The following PANK3 variants were observed in gnomAD, a reference collection of about 807,000 sequenced individuals.
PANK3 encodes hPanK3.
A neutral mutation model predicts 39.4 loss-of-function variants in PANK3; 20 were observed. The observed-to-expected ratio is 0.51, with a 90% CI of 0.36 to 0.74. The LOEUF (loss-of-function observed/expected upper bound fraction) is 0.74. Ranked by LOEUF, PANK3 falls within the 30% of genes least tolerant of loss-of-function variation. The pLI, the probability that PANK3 is intolerant of heterozygous loss-of-function variation, is 0.00. For missense variants in PANK3, 265 were observed against 437.0 expected (o/e 0.61, Z 3.51); for synonymous variants, 140 against 157.3 (o/e 0.89, Z 0.82).
intron 1 of PANK3, among the ~76,000 whole-genome samples, chr5:168,569,332 C>T (rs541826789): frequency 1.2e-3 from 184 of 150,932 alleles, no homozygotes; most frequent in South Asian, 2.1e-3. Flanking sequence ...CTACAGGTGC[C>T]CACCACCACG....
intron 6 of PANK3, among the ~76,000 whole-genome samples, 157 bp from the exon 7 acceptor site, chr5:168,557,778 G>T (rs1431124296): frequency 6.6e-6 from 1 of 152,126 alleles, no homozygotes; most frequent in South Asian, 2.1e-4. Flanking sequence ...AAAATTTTCT[G>T]AATCTGTATT....
chr5:168,565,943 T>C, intron 3 of PANK3, 70 bp downstream of exon 3: 1 of 1,426,950 alleles, frequency 7.0e-7, no homozygotes, highest in Non-Finnish European at 9.5e-7. Flanking sequence ...AATGACATTA[T>C]TATACTGATT....
At chr5:168,571,498 T>C (rs914777592) in intron 1 of PANK3, among the ~76,000 whole-genome samples, 1 of 152,192 alleles carries the variant, frequency 6.6e-6, no homozygotes, top group African/African-American at 2.4e-5. Flanking sequence ...CCTAAAAATA[T>C]ATATTTCTAT....
chr5:168,561,509 T>A lies in PANK3; in HGVS notation c.820A>T (p.Asn274Tyr). 1 of 1,569,626 alleles carries A rather than the reference T, an allele frequency of 6.4e-7. No homozygotes were observed. The highest frequency in any genetic ancestry group is 8.6e-7 in the Non-Finnish European group (1 of 1,161,540). The change falls in exon 5 of 7, where the codon AAT becomes TAT. Residue 274 changes from asparagine (N) to tyrosine (Y), a missense_variant. Asn to Tyr is a moderately radical substitution (Grantham distance 143, BLOSUM62 -2). Around this residue, in one of 3 missense-constraint regions of PANK3, gnomAD observed 110 missense variants for 161.2 expected, o/e 0.68. Transcript: ENST00000239231. ...PGWAVASSFG[N>Y]MIYKEKRESV... ...TCTCGCTTCTCCTTATAAATCATAT[T>A]CCCAAAACTGCAGAAAAATGAAAAA... is the stretch of plus-strand genomic sequence containing the variant.
chr5:168,570,401 A>G (rs555730757), intron 1 of PANK3, among the ~76,000 whole-genome samples: 1 of 144,564 alleles, frequency 6.9e-6, no homozygotes, highest in Non-Finnish European at 1.5e-5. Flanking sequence ...AAAAAAAAAG[A>G]AAGAAAGAAA....
rs1399363434 is a variant in PANK3 at position 168,556,167 on chromosome 5, G to C, written c.*1404C>G. Reference sequence around the variant, plus strand: ...AGATTCAGGCAAGGGGAATAGGAAAGAAAGTGCGAGATAAGAGCATGGTGG... The same window carrying C: ...AGATTCAGGCAAGGGGAATAGGAAACAAAGTGCGAGATAAGAGCATGGTGG... On this transcript the variant is annotated 3_prime_UTR_variant, in exon 7 of 7. Transcript: ENST00000239231. The C allele has an allele frequency of 6.6e-6, 1 of 152,262 alleles. No individual in the cohort carries two copies. Among genetic ancestry groups the C allele is most frequent in the Non-Finnish European group, 1.5e-5 (1 of 68,064 alleles). The allele number at this position is 152,262 out of a possible 1,614,324, so 9.4% of individuals were successfully genotyped here.
chr5:168,577,342 T>C lies in PANK3; in HGVS notation c.28+1914A>G, dbSNP rs190355790. ...ATAGTAACTGACCAGATTTTCAGCA[T>C]GATTCAATTTTAAGATTAATGGTCT... On this transcript the variant is annotated intron_variant, in intron 1 of 6. Transcript: ENST00000239231. Among the ~76,000 whole-genome samples, 50 of 152,344 alleles carry C rather than the reference T, an allele frequency of 3.3e-4. 1 individual carries two copies. The highest frequency in any genetic ancestry group is 1.2e-3 in the African/African-American group (49 of 41,572).
chr5:168,579,179 G>T, intron 1 of PANK3, 77 bp downstream of exon 1: 1 of 1,347,356 alleles, frequency 7.4e-7, no homozygotes, highest in South Asian at 1.6e-5. Flanking sequence ...CTTGGAAGCC[G>T]ACCGCCCAGC....
In PANK3 at chr5:168,551,814, A is replaced by C. The variant is rs1759275517; in HGVS notation, c.*5757T>G. The C allele has an allele frequency of 6.6e-6, 1 of 152,232 alleles. No homozygotes were observed. Among genetic ancestry groups the C allele is most frequent in the Admixed American group, 6.5e-5 (1 of 15,284 alleles). 9.4% of individuals were successfully genotyped at this position (152,232 alleles called of 1,614,324 possible). ...ATTTTTATAGAGTCTAATATTTGGC[A>C]AATAATCTGAACCACTTTAAGGGCT... is the stretch of plus-strand genomic sequence containing the variant. On this transcript the variant is annotated 3_prime_UTR_variant, in exon 7 of 7. Coordinates refer to ENST00000239231, the MANE Select transcript of PANK3 (RefSeq NM_024594.4).
chr5:168,574,903 AAGTATCT>A (rs1759707852), intron 1 of PANK3, among the ~76,000 whole-genome samples: 1 of 152,120 alleles, frequency 6.6e-6, no homozygotes, highest in South Asian at 2.1e-4. Flanking sequence ...GAAATCAAGC[AAGTATCT>A]ACATATTTAT....
rs959045424 is a variant in PANK3 at position 168,553,588 on chromosome 5, G to C, written c.*3983C>G. The C allele has an allele frequency of 8.3e-5, 24 of 287,608 alleles. No individual in the cohort carries two copies. The highest frequency in any genetic ancestry group is 4.1e-5 in the Non-Finnish European group (6 of 146,476). The allele number at this position is 287,608 out of a possible 1,614,324, so 17.8% of individuals were successfully genotyped here. ...CTGACCTCTCTTTCAAAGTGTAACT[G>C]AGAAAGTCCTGTATGACTGTCTCAG... On this transcript the variant is annotated 3_prime_UTR_variant, in exon 7 of 7. Coordinates refer to ENST00000239231, the MANE Select transcript of PANK3 (RefSeq NM_024594.4).
rs761447036 is a variant in PANK3, at chr5:168,552,057, G to C, written c.*5514C>G. ...AAGGCAATCTTCTCGCGGGGTCAGGGTGGTGGTGATGGGAAATTCTATACC... is the reference window on the plus strand; with the variant it reads ...AAGGCAATCTTCTCGCGGGGTCAGGCTGGTGGTGATGGGAAATTCTATACC... On this transcript the variant is annotated 3_prime_UTR_variant, in exon 7 of 7. Coordinates refer to ENST00000239231, the MANE Select transcript of PANK3 (RefSeq NM_024594.4). 3 of 152,262 alleles carry C rather than the reference G, an allele frequency of 2.0e-5. No individual in the cohort carries two copies. Among genetic ancestry groups the C allele is most frequent in the Non-Finnish European group, 4.4e-5 (3 of 68,036 alleles). 9.4% of individuals were successfully genotyped at this position (152,262 alleles called of 1,614,324 possible). A position where few individuals can be genotyped will look rare whatever the true frequency, so the allele number is the denominator to read the frequency against.
At position 168,548,876 on chromosome 5, in the gene PANK3, T is replaced by G. The variant is rs943393975; in HGVS notation, c.*8695A>C. The G allele has an allele frequency of 1.1e-4, 17 of 152,200 alleles. No individual in the cohort carries two copies. Among genetic ancestry groups the G allele is most frequent in the Admixed American group, 2.0e-4 (3 of 15,284 alleles). The allele number at this position is 152,200 out of a possible 1,614,324, so 9.4% of individuals were successfully genotyped here. On this transcript the variant is annotated 3_prime_UTR_variant, in exon 7 of 7. Transcript: ENST00000239231. ...CATCATACATTTTTACATCACAGAT[T>G]CAGTGTTAAAAGAATTCAGACATGA...
At chr5:168,561,590 C>T (rs2113111141) in intron 4 of PANK3, 74 bp from the exon 5 acceptor site, 1 of 1,242,618 alleles carries the variant, frequency 8.0e-7, no homozygotes, top group Non-Finnish European at 1.1e-6. Context: ...GATATATCTA[C>T]AACCTGGATA....
Position 168,551,972 on chromosome 5 carries a change from G to C in PANK3, c.*5599C>G, listed in dbSNP as rs1759278092. 6.6e-6 allele frequency: 1 copy of C among 152,124 alleles called. No individual in the cohort carries two copies. Among genetic ancestry groups the C allele is most frequent in the Admixed American group, 6.6e-5 (1 of 15,266 alleles). 9.4% of individuals were successfully genotyped at this position (152,124 alleles called of 1,614,324 possible). ...AAATTACATGGCAAGTTTACTAATA[G>C]TCTTTGGAAAAGATGAGTGTAGAAC... On this transcript the variant is annotated 3_prime_UTR_variant, in exon 7 of 7. Transcript: ENST00000239231.
In PANK3 at chr5:168,553,553, GGA is replaced by G. The variant is rs2113098151; in HGVS notation, c.*4016_*4017del. The G allele has an allele frequency of 3.1e-6, 1 of 324,284 alleles. No individual in the cohort carries two copies. Among genetic ancestry groups the G allele is most frequent in the East Asian group, 8.1e-5 (1 of 12,416 alleles). The allele number at this position is 324,284 out of a possible 1,614,324, so 20.1% of individuals were successfully genotyped here. A position where few individuals can be genotyped will look rare whatever the true frequency, so the allele number is the denominator to read the frequency against. ...GGGGGACATGAGCAAAACCTCAGAGGGAGAGTCTTCTGACCTCTCTTTCAAAG... is the reference window on the plus strand; with the variant it reads ...GGGGGACATGAGCAAAACCTCAGAGGGAGTCTTCTGACCTCTCTTTCAAAG... On this transcript the variant is annotated 3_prime_UTR_variant, in exon 7 of 7. Coordinates refer to ENST00000239231, the MANE Select transcript of PANK3 (RefSeq NM_024594.4).
chr5:168,571,285 T>A (rs76705626), intron 1 of PANK3, among the ~76,000 whole-genome samples: 1,966 of 152,308 alleles, frequency 0.013, 45 homozygotes, highest in African/African-American at 0.045. Context: ...TTAGAATTAG[T>A]TTAAAGCACA....
chr5:168,570,139 T>C (rs756471385), intron 1 of PANK3, among the ~76,000 whole-genome samples: 1 of 152,024 alleles, frequency 6.6e-6, no homozygotes, highest in African/African-American at 2.4e-5. Context: ...TCCCAGCACT[T>C]TGGGAGGCCG....
chr5:168,569,068 A>C, intron 1 of PANK3, 70 bp from the exon 2 acceptor site: 3 of 369,404 alleles, frequency 8.1e-6, no homozygotes, highest in Non-Finnish European at 8.2e-6. Flanking sequence ...AGAAACACAA[A>C]TTAAAAACCA....
Sources: allele counts gnomAD v4.1 joint callset (sites outside exome capture counted in the v4.1 genomes callset), GRCh38; gene constraint gnomAD v4.1.1; regional missense constraint gnomAD v4.1.1; transcripts MANE v1.5; gene names NCBI Gene and HGNC (gene_info 2026-07-23, HGNC 2026-07-21).